RCOR1: variants seen among roughly 807,000 people sequenced by gnomAD.
RCOR1 encodes REST corepressor 1, also known as REST corepressor.
In RCOR1, 12 loss-of-function variants were observed where a neutral mutation model predicts 64.0. The observed-to-expected ratio is 0.19, with a 90% confidence interval of 0.12 to 0.30. The LOEUF is 0.30. Ranked by LOEUF, RCOR1 falls within the 10% of genes least tolerant of loss-of-function variation. The probability of loss-of-function intolerance (pLI) is 1.00; values close to 1 mark genes in which losing one functional copy is unlikely to be tolerated. For synonymous variants in RCOR1, 279 were observed against 227.2 expected, an observed-to-expected ratio of 1.23 and a Z score of -2.05; for missense variants, 502 against 621.2, an observed-to-expected ratio of 0.81 and a Z score of 2.04.
intron 2 of RCOR1, chr14:102,655,844 T>C: frequency 2.7e-6 from 1 of 370,310 alleles, no homozygotes; most frequent in Non-Finnish European, 3.7e-6. Context: ...TCCCAGCTAC[T>C]CAGGAGGCTG....
chr14:102,717,746 T>C (rs913884819), intron 8 of RCOR1, among the ~76,000 whole-genome samples: 15 of 152,134 alleles, frequency 9.9e-5, no homozygotes, highest in African/African-American at 1.2e-4. Context: ...CGAGGTGTTA[T>C]TGACTCCATA....
intron 2 of RCOR1, among the ~76,000 whole-genome samples, chr14:102,607,693 C>T (rs1046469256): frequency 6.6e-6 from 1 of 152,152 alleles, no homozygotes; most frequent in Non-Finnish European, 1.5e-5. Flanking sequence ...ACCAGCCTGG[C>T]CAACATGGTA....
At chr14:102,609,271 G>A (rs1037950014) in intron 2 of RCOR1, among the ~76,000 whole-genome samples, 3 of 151,674 alleles carry the variant, frequency 2.0e-5, no homozygotes, top group African/African-American at 4.8e-5. Flanking sequence ...TTGAACTCCC[G>A]ACCTCAGGTG....
Position 102,592,658 on chromosome 14 carries a change from G to A in RCOR1, c.-229G>A. On this transcript the variant is annotated 5_prime_UTR_variant, in exon 1 of 12. Coordinates refer to ENST00000262241, the MANE Select transcript of RCOR1 (RefSeq NM_015156.4). ...TGCTCCCGGAGTAGTTGGTGCCAGTGAAGTGAGGGCGGCGATGAGAGCGAA... is the reference window on the plus strand; with the variant it reads ...TGCTCCCGGAGTAGTTGGTGCCAGTAAAGTGAGGGCGGCGATGAGAGCGAA... 1.6e-6 allele frequency: 2 copies of A among 1,228,654 alleles called. No individual in the cohort carries two copies. The highest frequency in any genetic ancestry group is 3.1e-4 in the Middle Eastern group (1 of 3,184). 76.1% of individuals were successfully genotyped at this position (1,228,654 alleles called of 1,614,324 possible). A position where few individuals can be genotyped will look rare whatever the true frequency, so the allele number is the denominator to read the frequency against.
At chr14:102,652,701 G>C (rs1183827680) in intron 2 of RCOR1, among the ~76,000 whole-genome samples, 1 of 151,994 alleles carries the variant, frequency 6.6e-6, no homozygotes, top group East Asian at 1.9e-4. Context: ...CAGCCTCCCA[G>C]CTGACTTTTT....
At chr14:102,655,778 C>T (rs1192239883) in intron 2 of RCOR1, among the ~76,000 whole-genome samples, 1 of 152,102 alleles carries the variant, frequency 6.6e-6, no homozygotes, top group Middle Eastern at 3.4e-3. Context: ...CATGGTGAAA[C>T]CCCGTCTCTA....
intron 2 of RCOR1, among the ~76,000 whole-genome samples, chr14:102,606,175 T>C (rs912413859): frequency 1.3e-5 from 2 of 152,236 alleles, no homozygotes; most frequent in Non-Finnish European, 2.9e-5. Flanking sequence ...ATCTGCCTGC[T>C]TCGGCCTCCG....
intron 2 of RCOR1, among the ~76,000 whole-genome samples, chr14:102,630,384 C>T (rs1894086252): frequency 6.6e-6 from 1 of 152,188 alleles, no homozygotes; most frequent in South Asian, 2.1e-4. Context: ...AATTTCTTTT[C>T]TTTGTCAGTT....
rs553481539 is a variant in RCOR1 at position 102,601,188 on chromosome 14, C to CAA, written c.361+7872_361+7873dup. Among the ~76,000 whole-genome samples, 1,052 of 145,460 alleles carry CAA rather than the reference C, an allele frequency of 7.2e-3. 14 individuals carry two copies. Among genetic ancestry groups the CAA allele is most frequent in the African/African-American group, 0.025 (1,001 of 39,872 alleles). On this transcript the variant is annotated intron_variant, in intron 2 of 11. Transcript: ENST00000262241. ...TAGGTGACAAAGTGAGACTCTGTCT[C>CAA]AAAAAAAAAAGACGGGGTTTCACTA...
chr14:102,713,769 A>G (rs972497111), intron 7 of RCOR1, among the ~76,000 whole-genome samples: 15 of 152,234 alleles, frequency 9.9e-5, no homozygotes, highest in Non-Finnish European at 1.5e-5. Context: ...TCAGTCTTTT[A>G]AAATATGAAG....
chr14:102,599,963 T>C (rs1437007510), intron 2 of RCOR1, among the ~76,000 whole-genome samples: 1 of 152,072 alleles, frequency 6.6e-6, no homozygotes, highest in Non-Finnish European at 1.5e-5. Context: ...ATCACCACGC[T>C]TGAGCCCAGG....
chr14:102,613,486 G>A (rs1893678508), intron 2 of RCOR1, among the ~76,000 whole-genome samples: 1 of 147,186 alleles, frequency 6.8e-6, no homozygotes, highest in African/African-American at 2.5e-5. Context: ...AGGCGGGAGT[G>A]CTGTGGCGCG....
Position 102,686,078 on chromosome 14 carries a change from A to G in RCOR1, c.445+4100A>G, listed in dbSNP as rs1895412029. 2.0e-5 allele frequency among the ~76,000 whole-genome samples: 3 copies of G among 152,206 alleles called. No individual in the cohort carries two copies. The South Asian group carries it at 6.2e-4, about 31-fold the overall frequency. ...TATCACATGTACCCTGGAAATATGTACATCTGATATGTATCAGTAAAATAA... is the reference window on the plus strand; with the variant it reads ...TATCACATGTACCCTGGAAATATGTGCATCTGATATGTATCAGTAAAATAA... On this transcript the variant is annotated intron_variant, in intron 3 of 11. Coordinates refer to ENST00000262241, the MANE Select transcript of RCOR1 (RefSeq NM_015156.4).
intron 2 of RCOR1, among the ~76,000 whole-genome samples, chr14:102,650,558 CAG>C (rs1894568820): frequency 6.6e-6 from 1 of 152,120 alleles, no homozygotes; most frequent in African/African-American, 2.4e-5. Context: ...AGTTAAAAGA[CAG>C]AACAGGATTC....
chr14:102,710,956 A>G lies in RCOR1; in HGVS notation c.801A>G (p.Ala267=), dbSNP rs776190410. Residue 267 remains alanine, a synonymous_variant, in exon 7 of 12, where the codon GCA becomes GCG. Coordinates refer to ENST00000262241, the MANE Select transcript of RCOR1 (RefSeq NM_015156.4). ...CCAGCGAGGATGAACTGGAAGAGGC[A>G]AATGGAAACAATCCCATTGACATTG... The part of the protein sequence containing the change: ...REESEDELEE[A]NGNNPIDIEV... 2 of 1,606,424 alleles carry G rather than the reference A, an allele frequency of 1.2e-6. No individual in the cohort carries two copies. Among genetic ancestry groups the G allele is most frequent in the South Asian group, 2.3e-5 (2 of 88,640 alleles).
chr14:102,721,218 A>AT, intron 9 of RCOR1, 102 bp from the exon 10 acceptor site: 1 of 1,163,448 alleles, frequency 8.6e-7, no homozygotes, highest in South Asian at 1.3e-5. Flanking sequence ...AACCCAGTTG[A>AT]TGTTAAAATT....
At chr14:102,665,733 T>C (rs1426211502) in intron 2 of RCOR1, among the ~76,000 whole-genome samples, 3 of 152,214 alleles carry the variant, frequency 2.0e-5, no homozygotes, top group Non-Finnish European at 4.4e-5. Context: ...TGTTAGGATC[T>C]AAGTGCAAGT....
At chr14:102,660,544 A>G (rs563287583) in intron 2 of RCOR1, among the ~76,000 whole-genome samples, 1 of 152,178 alleles carries the variant, frequency 6.6e-6, no homozygotes, top group African/African-American at 2.4e-5. Flanking sequence ...GTGCAACACC[A>G]TGCCCTGTAG....
intron 2 of RCOR1, among the ~76,000 whole-genome samples, chr14:102,616,206 ATGTGTGTGTGTGTGTGTGTGTGTG>A (rs56991991): frequency 0.24 from 36,070 of 149,226 alleles, 5,352 homozygotes; most frequent in East Asian, 0.55. Context: ...ACATGTGTAT[ATGTGTGTGTGTGTGTGTGTGTGTG>A]TGTGTGTGTG....
Sources: allele counts gnomAD v4.1 joint callset (sites outside exome capture counted in the v4.1 genomes callset), GRCh38; gene constraint gnomAD v4.1.1; transcripts MANE v1.5; gene names NCBI Gene and HGNC (gene_info 2026-07-23, HGNC 2026-07-21).